The following DNAH10 variants were observed in gnomAD, a reference collection of about 807,000 sequenced individuals.
The protein encoded by DNAH10 is axonemal beta dynein heavy chain 10.
In DNAH10, 348 loss-of-function variants were observed where a neutral mutation model predicts 506.6. That is an observed-to-expected ratio of 0.69 (90% CI 0.63 to 0.75). DNAH10 has a LOEUF of 0.75. Ranked by LOEUF, DNAH10 falls within the 30% of genes least tolerant of loss-of-function variation. DNAH10 has a pLI of 0.00. For synonymous variants in DNAH10, 2,059 were observed against 2,198.6 expected, an observed-to-expected ratio of 0.94 and a Z score of 1.78; for missense variants, 5,179 against 5,787.1, an observed-to-expected ratio of 0.89 and a Z score of 3.41.
rs1156529431 is a variant in DNAH10, at chr12:123,917,938, C to G, written c.11232+125C>G. 3.8e-6 allele frequency: 4 copies of G among 1,039,764 alleles called. No individual in the cohort carries two copies. Among genetic ancestry groups the G allele is most frequent in the African/African-American group, 3.2e-5 (2 of 62,454 alleles). 64.4% of individuals were successfully genotyped at this position (1,039,764 alleles called of 1,614,324 possible). ...TGATCTCAGGGCTAAAAACCCACCT[C>G]TATTGGGATGTGCTGTGGGGAGGGG... On this transcript the variant is annotated intron_variant, in intron 64 of 78. Transcript: ENST00000673944. This position sits in a 1 kb window ranked among gnomAD's most constrained non-coding sequence, Gnocchi z 5.6.
intron 2 of DNAH10, 61 bp from the exon 3 acceptor site, chr12:123,771,540 C>G (rs74853207): frequency 0.015 from 21,296 of 1,432,448 alleles, 869 homozygotes; most frequent in African/African-American, 0.14. Flanking sequence ...CAGGGCTGCT[C>G]TTGATGGTAG....
At chr12:123,918,513 C>A in intron 64 of DNAH10, 163 bp from the exon 65 acceptor site, 1 of 763,532 alleles carries the variant, frequency 1.3e-6, no homozygotes. Flanking sequence ...CAAATATTCA[C>A]CCCTTCCTAC....
rs963354660 is a variant in DNAH10, at chr12:123,800,290, C to G, written c.2364C>G (p.Leu788=). The change falls in exon 15 of 79, where the codon CTC becomes CTG. Residue 788 remains leucine, a synonymous_variant. Coordinates refer to ENST00000673944, the MANE Select transcript of DNAH10 (RefSeq NM_001372106.1). ...AVFAINFSPA[L]REIINETKYL... ...TTGCAATCAACTTTTCACCGGCTCT[C>G]AGAGAGATTATTAATGAAACAAAGT... is the stretch of plus-strand genomic sequence containing the variant. 1 of 1,614,006 alleles carries G rather than the reference C, an allele frequency of 6.2e-7. No homozygotes were observed. Among genetic ancestry groups the G allele is most frequent in the African/African-American group, 1.3e-5 (1 of 74,906 alleles).
At chr12:123,880,666 AATGCTTTAAATT>A (rs1454138532) in intron 50 of DNAH10, among the ~76,000 whole-genome samples, 1 of 135,786 alleles carries the variant, frequency 7.4e-6, no homozygotes, top group Non-Finnish European at 1.6e-5. Flanking sequence ...TTTTTTTTTT[AATGCTTTAAATT>A]CTAGGGTACA....
intron 38 of DNAH10, among the ~76,000 whole-genome samples, chr12:123,859,503 G>A (rs1296612635): frequency 6.6e-6 from 1 of 152,162 alleles, no homozygotes; most frequent in Non-Finnish European, 1.5e-5. Flanking sequence ...AGGTTCATTT[G>A]TGAAATGAGA....
chr12:123,770,974 CTTTT>C (rs33920942), intron 2 of DNAH10, among the ~76,000 whole-genome samples: 1 of 126,406 alleles, frequency 7.9e-6, no homozygotes. Flanking sequence ...AGCTGTAATT[CTTTT>C]TTTTTTTTTT....
chr12:123,866,050 T>C lies in DNAH10; in HGVS notation c.7144T>C (p.Trp2382Arg). 1 of 1,609,030 alleles carries C rather than the reference T, an allele frequency of 6.2e-7. No individual in the cohort carries two copies. The highest frequency in any genetic ancestry group is 8.5e-7 in the Non-Finnish European group (1 of 1,178,572). ...NLKYRPYWKK[W>R]VNQIPNKVEQ... The stretch of plus-strand genomic sequence containing the variant: ...GAAATATCGACCATACTGGAAAAAA[T>C]GGGTTAATCAAATACCAAACAAGGT... The change falls in exon 41 of 79, where the codon TGG becomes CGG. Residue 2382 changes from tryptophan (W) to arginine (R), a missense_variant. Trp to Arg is a moderately radical substitution (Grantham distance 101). Around this residue, in one of 3 missense-constraint regions of DNAH10, gnomAD observed 4,844 missense variants for 5,430.5 expected, o/e 0.89. Coordinates refer to ENST00000673944, the MANE Select transcript of DNAH10 (RefSeq NM_001372106.1).
At chr12:123,796,546 G>A in intron 12 of DNAH10, 110 bp from the exon 13 acceptor site, 2 of 944,560 alleles carry the variant, frequency 2.1e-6, no homozygotes, top group South Asian at 3.6e-5. Flanking sequence ...CTGCATCTTA[G>A]AATATTTTTT....
At chr12:123,820,988 G>A (rs568154782) in intron 24 of DNAH10, among the ~76,000 whole-genome samples, 91 of 152,284 alleles carry the variant, frequency 6.0e-4, no homozygotes, top group Non-Finnish European at 1.2e-3. Context: ...GGTGGCTCAC[G>A]CCTGTAATCC....
chr12:123,786,671 A>G (rs192264853), intron 9 of DNAH10, among the ~76,000 whole-genome samples: 3,123 of 150,122 alleles, frequency 0.021, 59 homozygotes, highest in African/African-American at 0.039. Context: ...AGATACATAT[A>G]TGTGTGTGTG....
intron 32 of DNAH10, among the ~76,000 whole-genome samples, chr12:123,847,143 TATCCATCCATCCATCCATCC>T (rs57589181): frequency 1.3e-4 from 19 of 144,814 alleles, no homozygotes; most frequent in African/African-American, 3.3e-4. Flanking sequence ...TCCATCTACA[TATCCATCCATCCATCCATCC>T]ATCCATCCAT....
At chr12:123,871,360 TA>T (rs759528901) in intron 44 of DNAH10, 96 bp from the exon 45 acceptor site, 2 of 1,405,164 alleles carry the variant, frequency 1.4e-6, no homozygotes, top group Non-Finnish European at 9.6e-7. Flanking sequence ...TCCTGTTTTT[TA>T]TGGGATTTGT....
chr12:123,774,070 G>T (rs1957351571), intron 4 of DNAH10, 79 bp from the exon 5 acceptor site: 1 of 892,940 alleles, frequency 1.1e-6, no homozygotes, highest in Non-Finnish European at 1.7e-6. Context: ...AGAAGGAGAA[G>T]ATTCCTGTTC....
Position 123,781,153 on chromosome 12 carries a change from C to T in DNAH10, c.695C>T (p.Ser232Phe), listed in dbSNP as rs768130646. 1.9e-5 allele frequency: 30 copies of T among 1,613,990 alleles called. No homozygotes were observed. In the South Asian group the frequency reaches 3.0e-4, roughly 16 times the overall value. The change falls in exon 6 of 79, where the codon TCT becomes TTT. Residue 232 changes from serine (S) to phenylalanine (F), a missense_variant. By Grantham distance (155) the Ser-to-Phe change is radical (BLOSUM62 -2). This residue lies in a region of DNAH10 where 326 missense variants were observed against 330.8 expected (regional missense o/e 0.99). Coordinates refer to ENST00000673944, the MANE Select transcript of DNAH10 (RefSeq NM_001372106.1). The part of the protein sequence containing the change: ...TTVGVTSGEV[S>F]NSSEHESDLP... ...GTGGGAGTCACATCTGGAGAAGTCT[C>T]TAATTCCTCTGAGCATGAATCAGAC...
rs746288735 is a variant in DNAH10, at chr12:123,796,605, G to A, written c.1987-51G>A. ...AAAGATTCAAATCTCATCTTTCTTG[G>A]CTAACCTGGCGATGTTTATCACTTA... On this transcript the variant is annotated intron_variant, in intron 12 of 78. Coordinates refer to ENST00000673944, the MANE Select transcript of DNAH10 (RefSeq NM_001372106.1). The A allele has an allele frequency of 2.7e-6, 4 of 1,495,626 alleles. No homozygotes were observed. In the South Asian group the frequency reaches 4.2e-5, roughly 16 times the overall value. The allele number at this position is 1,495,626 out of a possible 1,614,324, so 92.6% of individuals were successfully genotyped here.
At chr12:123,879,216 A>T in intron 48 of DNAH10, 48 bp from the exon 49 acceptor site, 1 of 1,501,148 alleles carries the variant, frequency 6.7e-7, no homozygotes. Context: ...CAGCCCTGGT[A>T]TCCTTCAGGT....
Position 123,781,350 on chromosome 12 carries a change from G to A in DNAH10, c.841+51G>A, listed in dbSNP as rs558052329. Reference sequence around the variant, plus strand: ...AGTTAAGAATGATTAATTTACTGTAGTTGGGATTACAGGTGCATGCCACCA... The same window carrying A: ...AGTTAAGAATGATTAATTTACTGTAATTGGGATTACAGGTGCATGCCACCA... On this transcript the variant is annotated intron_variant, in intron 6 of 78. Coordinates refer to ENST00000673944, the MANE Select transcript of DNAH10 (RefSeq NM_001372106.1). The A allele has an allele frequency of 3.3e-6, 5 of 1,527,318 alleles. No homozygotes were observed. In the South Asian group the frequency reaches 4.8e-5, roughly 15 times the overall value. The allele number at this position is 1,527,318 out of a possible 1,614,324, so 94.6% of individuals were successfully genotyped here.
chr12:123,890,174 T>C (rs1952916222), intron 52 of DNAH10, among the ~76,000 whole-genome samples: 1 of 152,214 alleles, frequency 6.6e-6, no homozygotes, highest in South Asian at 2.1e-4. Context: ...AGGGGTTCTA[T>C]GGCGTGGAAC....
intron 9 of DNAH10, among the ~76,000 whole-genome samples, chr12:123,786,945 C>T (rs898629749): frequency 2.2e-4 from 33 of 152,106 alleles, no homozygotes; most frequent in African/African-American, 7.5e-4. Flanking sequence ...CAAGACCAGC[C>T]TGGCCAACAT....
Sources: allele counts gnomAD v4.1 joint callset (sites outside exome capture counted in the v4.1 genomes callset), GRCh38; gene constraint gnomAD v4.1.1; regional missense constraint gnomAD v4.1.1; non-coding constraint Gnocchi (gnomAD v3.1); transcripts MANE v1.5; gene names NCBI Gene and HGNC (gene_info 2026-07-23, HGNC 2026-07-21).